Variants in MICALL1 observed in about 807,000 individuals in gnomAD.
MICALL1 encodes MICAL like 1.
In MICALL1, 61 loss-of-function variants were observed where a neutral mutation model predicts 83.7. The ratio of observed to expected loss-of-function variants is 0.73; its 90% CI spans 0.59 to 0.90. The LOEUF (loss-of-function observed/expected upper bound fraction) is 0.90. Among genes scored for constraint, MICALL1 ranks in the 40% least tolerant of loss-of-function variants. The pLI, the probability that MICALL1 is intolerant of heterozygous loss-of-function variation, is 0.00. For missense variants in MICALL1, 1,066 were observed against 1,152.0 expected (o/e 0.93, Z 1.08); for synonymous variants, 481 against 473.6 (o/e 1.02, Z -0.20).
rs115483863 is a variant in MICALL1, at chr22:37,910,499, A to G, written c.147-1453A>G. Among the ~76,000 whole-genome samples the G allele has an allele frequency of 6.6e-3, 1,008 of 152,180 alleles. 9 individuals are homozygous for G. The highest frequency in any genetic ancestry group is 0.023 in the African/African-American group (971 of 41,512). On this transcript the variant is annotated intron_variant, in intron 1 of 15. Coordinates refer to ENST00000215957, the MANE Select transcript of MICALL1 (RefSeq NM_033386.4). ...GGAGACAGAGGTTTCGAGAGGTGAA[A>G]CACCTTGCTAAGGTCGCACTCTGAG...
intron 3 of MICALL1, among the ~76,000 whole-genome samples, chr22:37,913,397 A>C (rs184305412): frequency 6.6e-6 from 1 of 152,328 alleles, no homozygotes; most frequent in Admixed American, 6.5e-5. Context: ...ATCATATCAG[A>C]GGAGACACAG....
At position 37,940,752 on chromosome 22, in the gene MICALL1, G is replaced by A. The variant is rs754800099; in HGVS notation, c.2514G>A (p.Lys838=). 4 of 1,614,174 alleles carry A rather than the reference G, an allele frequency of 2.5e-6. No homozygotes were observed. Among genetic ancestry groups the A allele is most frequent in the Non-Finnish European group, 3.4e-6 (4 of 1,180,002 alleles). Residue 838 remains lysine (K), a synonymous_variant, in exon 16 of 16, where the codon AAG becomes AAA. Coordinates refer to ENST00000215957, the MANE Select transcript of MICALL1 (RefSeq NM_033386.4). ...EAEPEGKKKG[K]FKTMKMLKLL... is the part of the protein sequence containing the mutation. The stretch of plus-strand genomic sequence containing the variant: ...AACCTGAGGGCAAGAAGAAGGGGAA[G>A]TTCAAGACCATGAAGATGTTGAAAC...
intron 13 of MICALL1, among the ~76,000 whole-genome samples, chr22:37,935,347 G>A (rs1347187028): frequency 2.7e-5 from 4 of 150,450 alleles, no homozygotes; most frequent in South Asian, 2.1e-4. Flanking sequence ...TGCACGCTCC[G>A]CCTCCTGGGT....
chr22:37,912,533 G>C, intron 3 of MICALL1, 41 bp downstream of exon 3: 1 of 1,543,594 alleles, frequency 6.5e-7, no homozygotes, highest in Non-Finnish European at 8.8e-7. Flanking sequence ...CTGGCCCAGG[G>C]GGTGGCCCTG....
intron 3 of MICALL1, 128 bp from the exon 4 acceptor site, chr22:37,917,579 T>C: frequency 1.3e-6 from 1 of 784,244 alleles, no homozygotes; most frequent in Non-Finnish European, 2.1e-6. Context: ...AGCCAGCTCC[T>C]GTCCCACTGC....
chr22:37,933,064 C>CTTCAA lies in MICALL1; in HGVS notation c.2260_2261insTTCAA (p.Arg754LeufsTer33). Reference sequence around the variant, plus strand: ...CTTCAAGCAGCAGAACCTGGAGCAGCGCCAGGCTGATGTCGAGTATGAGCT... The same window carrying CTTCAA: ...CTTCAAGCAGCAGAACCTGGAGCAGCTTCAAGCCAGGCTGATGTCGAGTATGAGCT... On this transcript the variant is annotated frameshift_variant, in exon 13 of 16. Coordinates refer to ENST00000215957, the MANE Select transcript of MICALL1 (RefSeq NM_033386.4). LOFTEE classifies it high-confidence loss of function. 3 of 1,614,032 alleles carry CTTCAA rather than the reference C, an allele frequency of 1.9e-6. No homozygotes were observed. Among genetic ancestry groups the CTTCAA allele is most frequent in the Non-Finnish European group, 2.5e-6 (3 of 1,180,010 alleles).
intron 1 of MICALL1, 21 bp from the exon 2 acceptor site, chr22:37,911,931 T>G: frequency 6.2e-7 from 1 of 1,613,754 alleles, no homozygotes; most frequent in Non-Finnish European, 8.5e-7. Flanking sequence ...TGACCAACCC[T>G]CCTCCCTTTG....
Position 37,932,267 on chromosome 22 carries a change from A to G in MICALL1, c.2017-286A>G, listed in dbSNP as rs1365582493. The stretch of plus-strand genomic sequence containing the variant: ...CTGTAATAAGGTCACTCTCACTGAC[A>G]TTGTGATACCCTTTCTGGAGTGGCA... On this transcript the variant is annotated intron_variant, in intron 10 of 15. Coordinates refer to ENST00000215957, the MANE Select transcript of MICALL1 (RefSeq NM_033386.4). This position sits in a 1 kb window ranked among gnomAD's most constrained non-coding sequence, Gnocchi z 4.4. Among the ~76,000 whole-genome samples, 1 of 152,228 alleles carries G rather than the reference A, an allele frequency of 6.6e-6. No homozygotes were observed. Among genetic ancestry groups the G allele is most frequent in the Non-Finnish European group, 1.5e-5 (1 of 68,046 alleles).
At chr22:37,923,313 G>C (rs1184178319) in intron 6 of MICALL1, among the ~76,000 whole-genome samples, 1 of 151,942 alleles carries the variant, frequency 6.6e-6, no homozygotes, top group Admixed American at 6.6e-5. Flanking sequence ...TGCAATCTCT[G>C]CCTTCCAGGT....
chr22:37,912,220 A>T, intron 2 of MICALL1, 131 bp from the exon 3 acceptor site: 2 of 1,224,676 alleles, frequency 1.6e-6, no homozygotes, highest in Non-Finnish European at 2.3e-6. Flanking sequence ...GGGTGGGATT[A>T]ATACTGAGGG....
In MICALL1 at chr22:37,932,021, A is replaced by AGGCT; in HGVS notation, c.2016+97_2016+100dup. On this transcript the variant is annotated intron_variant, in intron 10 of 15. Coordinates refer to ENST00000215957, the MANE Select transcript of MICALL1 (RefSeq NM_033386.4). The surrounding 1 kb of genome is among the most constrained non-coding windows in gnomAD (Gnocchi z 4.4). ...GCAGTCTTCCCCTGGGACTCTAAGG[A>AGGCT]GGCTGGCTGGCTAGGCAGTGGGCCT... 2.0e-6 allele frequency: 3 copies of AGGCT among 1,535,478 alleles called. No individual in the cohort carries two copies. Among genetic ancestry groups the AGGCT allele is most frequent in the Non-Finnish European group, 2.6e-6 (3 of 1,146,128 alleles).
At chr22:37,920,129 G>A (rs1180749315) in intron 5 of MICALL1, among the ~76,000 whole-genome samples, 1 of 151,964 alleles carries the variant, frequency 6.6e-6, no homozygotes, top group Non-Finnish European at 1.5e-5. Context: ...TCTGCTTGAA[G>A]TTTTAAAAAA....
At position 37,924,605 on chromosome 22, in the gene MICALL1, G is replaced by T; in HGVS notation, c.1025-55G>T. 1 of 1,571,492 alleles carries T rather than the reference G, an allele frequency of 6.4e-7. No homozygotes were observed. The highest frequency in any genetic ancestry group is 8.7e-7 in the Non-Finnish European group (1 of 1,150,156). The stretch of plus-strand genomic sequence containing the variant: ...GGCAGGTGCTGTGGCTGGCTCCCTG[G>T]GTGCCCACCTCCTGCTGCCCATGAA... On this transcript the variant is annotated intron_variant, in intron 6 of 15. Coordinates refer to ENST00000215957, the MANE Select transcript of MICALL1 (RefSeq NM_033386.4). This position sits in a 1 kb window ranked among gnomAD's most constrained non-coding sequence, Gnocchi z 5.2.
chr22:37,932,119 G>T lies in MICALL1; in HGVS notation c.2016+186G>T, dbSNP rs550544521. Among the ~76,000 whole-genome samples, 1 of 152,244 alleles carries T rather than the reference G, an allele frequency of 6.6e-6. No homozygotes were observed. Among genetic ancestry groups the T allele is most frequent in the African/African-American group, 2.4e-5 (1 of 41,460 alleles). On this transcript the variant is annotated intron_variant, in intron 10 of 15. Coordinates refer to ENST00000215957, the MANE Select transcript of MICALL1 (RefSeq NM_033386.4). The surrounding 1 kb of genome is among the most constrained non-coding windows in gnomAD (Gnocchi z 4.4). Reference sequence around the variant, plus strand: ...TTGCAGCCTGGAGGGATTTGGAGCAGATCAGCCCTTCACCACCAAAAGCAG... The same window carrying T: ...TTGCAGCCTGGAGGGATTTGGAGCATATCAGCCCTTCACCACCAAAAGCAG...
At chr22:37,918,789 C>T (rs79250154) in intron 4 of MICALL1, among the ~76,000 whole-genome samples, 6,919 of 152,330 alleles carry the variant, frequency 0.045, 205 homozygotes, top group Non-Finnish European at 0.068. Context: ...TTCGTGTTTC[C>T]GCACTGGCTC....
chr22:37,938,594 C>T (rs1265794540), intron 15 of MICALL1, among the ~76,000 whole-genome samples: 4 of 149,934 alleles, frequency 2.7e-5, no homozygotes, highest in Non-Finnish European at 4.4e-5. Context: ...GCTGGGACTA[C>T]AGGCGCATGC....
intron 5 of MICALL1, among the ~76,000 whole-genome samples, chr22:37,921,621 TGA>T (rs1167585295): frequency 4.6e-5 from 7 of 152,068 alleles, no homozygotes; most frequent in Non-Finnish European, 1.0e-4. Flanking sequence ...AAACAACACC[TGA>T]TTGGGTAAAA....
At chr22:37,907,733 C>T (rs746050341) in intron 1 of MICALL1, among the ~76,000 whole-genome samples, 1 of 152,192 alleles carries the variant, frequency 6.6e-6, no homozygotes, top group Non-Finnish European at 1.5e-5. Flanking sequence ...CCCTGCAGTA[C>T]CGTGTCTGTG....
chr22:37,919,195 G>T lies in MICALL1; in HGVS notation c.569+17G>T. The T allele has an allele frequency of 2.7e-6, 4 of 1,506,978 alleles. No homozygotes were observed. Among genetic ancestry groups the T allele is most frequent in the Non-Finnish European group, 3.6e-6 (4 of 1,118,832 alleles). The allele number at this position is 1,506,978 out of a possible 1,614,324, so 93.4% of individuals were successfully genotyped here. On this transcript the variant is annotated intron_variant, in intron 5 of 15. Coordinates refer to ENST00000215957, the MANE Select transcript of MICALL1 (RefSeq NM_033386.4). ...CTGCTTCCGGTGAGTGGCCAGGGCC[G>T]CGTGTTACCCCCGAAACCAGGGAGG...
Sources: allele counts gnomAD v4.1 joint callset (sites outside exome capture counted in the v4.1 genomes callset), GRCh38; gene constraint gnomAD v4.1.1; non-coding constraint Gnocchi (gnomAD v3.1); transcripts MANE v1.5; gene names NCBI Gene and HGNC (gene_info 2026-07-23, HGNC 2026-07-21).